Variants in GALNT13 observed in about 807,000 individuals in gnomAD.
The protein encoded by GALNT13 is polypeptide N-acetylgalactosaminyltransferase 13.
GALNT13 carries 28 observed loss-of-function variants against 64.2 expected under a neutral mutation model. The observed-to-expected ratio is 0.44, with a 90% confidence interval of 0.32 to 0.60. The LOEUF is 0.60. Among genes scored for constraint, GALNT13 ranks in the 20% least tolerant of loss-of-function variants. The pLI is 0.05. For missense variants in GALNT13, 577 were observed against 669.8 expected, an observed-to-expected ratio of 0.86 and a Z score of 1.53; for synonymous variants, 214 against 224.6, an observed-to-expected ratio of 0.95 and a Z score of 0.42.
the GALNT13 span, among the ~76,000 whole-genome samples, chr2:153,396,601 T>A: frequency 6.6e-6 from 1 of 151,998 alleles, no homozygotes; most frequent in Non-Finnish European, 1.5e-5. Flanking sequence ...TCTATGTGAG[T>A]AGTCTGGAGC....
chr2:154,303,397 T>A (rs1693556345), intron 9 of GALNT13, among the ~76,000 whole-genome samples: 1 of 152,086 alleles, frequency 6.6e-6, no homozygotes, highest in Non-Finnish European at 1.5e-5. Context: ...TCCACTCCAC[T>A]GGCGCCATCT....
chr2:153,657,552 G>A, the GALNT13 span, among the ~76,000 whole-genome samples: 1 of 152,038 alleles, frequency 6.6e-6, no homozygotes, highest in African/African-American at 2.4e-5. Flanking sequence ...GGTAAAAGAA[G>A]CTGGAAGGCA....
chr2:153,337,211 A>G, the GALNT13 span, among the ~76,000 whole-genome samples: 1 of 152,212 alleles, frequency 6.6e-6, no homozygotes, highest in Admixed American at 6.5e-5. Context: ...GAGATATCAT[A>G]ATTTACAAAT....
intron 3 of GALNT13, among the ~76,000 whole-genome samples, chr2:154,025,434 TACAC>T (rs917165454): frequency 4.0e-5 from 6 of 151,848 alleles, no homozygotes; most frequent in Non-Finnish European, 5.9e-5. Context: ...TGCCAGTACA[TACAC>T]ACACACACAG....
At chr2:153,990,664 A>C (rs7580732) in intron 3 of GALNT13, among the ~76,000 whole-genome samples, 1 of 152,082 alleles carries the variant, frequency 6.6e-6, no homozygotes, top group East Asian at 1.9e-4. Flanking sequence ...AAATAAAACA[A>C]AAGAGTAGGT....
At position 154,450,772 on chromosome 2, in the gene GALNT13, A is replaced by G. The variant is rs375683768; in HGVS notation, c.*221A>G. ...AGAATATAAATAATAGCAAACTACT[A>G]TTAAACAACAGAACAACTTGTAAAA... On this transcript the variant is annotated 3_prime_UTR_variant, in exon 13 of 13. Transcript: ENST00000392825. The G allele has an allele frequency of 2.4e-6, 1 of 417,274 alleles. No homozygotes were observed. Among genetic ancestry groups the G allele is most frequent in the East Asian group, 3.8e-5 (1 of 26,658 alleles). 25.8% of individuals were successfully genotyped at this position (417,274 alleles called of 1,614,324 possible).
At chr2:154,140,699 G>A (rs1228307948) in intron 4 of GALNT13, among the ~76,000 whole-genome samples, 194 bp downstream of exon 4, 1 of 152,012 alleles carries the variant, frequency 6.6e-6, no homozygotes, top group Non-Finnish European at 1.5e-5. Context: ...AGAAAAATAC[G>A]TTACTTGCAA....
the GALNT13 span, among the ~76,000 whole-genome samples, chr2:153,110,636 T>A: frequency 1.3e-5 from 2 of 152,118 alleles, no homozygotes; most frequent in African/African-American, 4.8e-5. Flanking sequence ...TGGAACCTGT[T>A]TTCACATCTT....
the GALNT13 span, among the ~76,000 whole-genome samples, chr2:153,407,900 T>G: frequency 6.6e-6 from 1 of 152,150 alleles, no homozygotes; most frequent in South Asian, 2.1e-4. Flanking sequence ...AGTGGGGTCT[T>G]GCTGTAGTTA....
At chr2:153,165,770 G>T in the GALNT13 span, among the ~76,000 whole-genome samples, 1 of 152,100 alleles carries the variant, frequency 6.6e-6, no homozygotes, top group Non-Finnish European at 1.5e-5. Context: ...GATAAAATAG[G>T]CCTTAGGATG....
chr2:153,100,415 A>C, the GALNT13 span, among the ~76,000 whole-genome samples: 111 of 152,346 alleles, frequency 7.3e-4, 1 homozygote, highest in Middle Eastern at 3.4e-3. Context: ...CTGTGCTTGA[A>C]AGTAAATTTC....
intron 3 of GALNT13, among the ~76,000 whole-genome samples, chr2:154,049,807 T>C (rs967883338): frequency 1.3e-5 from 2 of 151,910 alleles, no homozygotes; most frequent in African/African-American, 4.8e-5. Flanking sequence ...CTCTAAGAAA[T>C]CTTTTTCTTT....
At chr2:154,239,745 A>G (rs55784281) in intron 4 of GALNT13, among the ~76,000 whole-genome samples, 2,608 of 152,300 alleles carry the variant, frequency 0.017, 68 homozygotes, top group African/African-American at 0.058. Flanking sequence ...TTTCAAATAA[A>G]TGTATGCTGG....
the GALNT13 span, among the ~76,000 whole-genome samples, chr2:153,439,477 C>G: frequency 6.6e-6 from 1 of 152,216 alleles, no homozygotes; most frequent in Non-Finnish European, 1.5e-5. Flanking sequence ...CCAGTTCGAG[C>G]TTCCTGGCTG....
At chr2:153,265,951 C>A in the GALNT13 span, among the ~76,000 whole-genome samples, 3 of 152,114 alleles carry the variant, frequency 2.0e-5, no homozygotes, top group Admixed American at 6.5e-5. Context: ...TAAAAAGCAT[C>A]ACATACCCTC....
the GALNT13 span, among the ~76,000 whole-genome samples, chr2:153,454,765 G>A: frequency 6.6e-6 from 1 of 152,158 alleles, no homozygotes; most frequent in African/African-American, 2.4e-5. Flanking sequence ...AGTATGTCAA[G>A]ACCTATGAAT....
chr2:153,967,070 A>G (rs1038638782), intron 3 of GALNT13, among the ~76,000 whole-genome samples: 8 of 152,064 alleles, frequency 5.3e-5, no homozygotes, highest in Non-Finnish European at 1.0e-4. Flanking sequence ...TTTTTGCTTG[A>G]TTTAAAAAAA....
chr2:154,097,350 G>C (rs1020818907), intron 3 of GALNT13, among the ~76,000 whole-genome samples: 1 of 151,926 alleles, frequency 6.6e-6, no homozygotes, highest in African/African-American at 2.4e-5. Flanking sequence ...TGCTATTACA[G>C]GTTAATGATG....
At chr2:153,105,647 A>C in the GALNT13 span, among the ~76,000 whole-genome samples, 1 of 152,012 alleles carries the variant, frequency 6.6e-6, no homozygotes, top group Non-Finnish European at 1.5e-5. Context: ...CCAAAATCTT[A>C]ATCTGATAAG....
Sources: allele counts gnomAD v4.1 joint callset (sites outside exome capture counted in the v4.1 genomes callset), GRCh38; gene constraint gnomAD v4.1.1; transcripts MANE v1.5; gene names NCBI Gene and HGNC (gene_info 2026-07-23, HGNC 2026-07-21).